The following METTL9 variants were observed in gnomAD, a reference collection of about 807,000 sequenced individuals.
METTL9 encodes methyltransferase 9, His-X-His N1(pi)-histidine.
Under a neutral mutation model 36.0 loss-of-function variants are expected in METTL9, and 10 were observed. The ratio of observed to expected loss-of-function variants is 0.28; its 90% CI spans 0.17 to 0.47. The LOEUF is 0.47. Among genes scored for constraint, METTL9 ranks in the 20% least tolerant of loss-of-function variants. The probability of loss-of-function intolerance (pLI) is 0.99; values close to 1 mark genes in which losing one functional copy is unlikely to be tolerated. For missense variants in METTL9, 246 were observed against 383.5 expected (o/e 0.64, Z 3.00); for synonymous variants, 175 against 149.7 (o/e 1.17, Z -1.23).
intron 4 of METTL9, among the ~76,000 whole-genome samples, chr16:21,650,394 G>T (rs1966537524): frequency 6.6e-6 from 1 of 151,694 alleles, no homozygotes; most frequent in African/African-American, 2.4e-5. Context: ...TGTAATCCCA[G>T]CTACTTGGGA....
At position 21,655,265 on chromosome 16, in the gene METTL9, A is replaced by G; in HGVS notation, c.790A>G (p.Ile264Val). The G allele has an allele frequency of 6.2e-7, 1 of 1,614,228 alleles. No individual in the cohort carries two copies. The highest frequency in any genetic ancestry group is 8.5e-7 in the Non-Finnish European group (1 of 1,180,028). Residue 264 changes from isoleucine (I) to valine (V), a missense_variant, in exon 5 of 5, where the codon ATC becomes GTC. By Grantham distance (29) the Ile-to-Val change is conservative. Coordinates refer to ENST00000358154, the MANE Select transcript of METTL9 (RefSeq NM_016025.5). ...GGAGAAACCATCAGAAATTTTGGAA[A>G]TCAAAGGACAGAACTGGGAAGAACA... is the stretch of plus-strand genomic sequence containing the variant. Reference protein sequence around the residue: ...KWEKPSEILEIKGQNWEEQVN... With the variant: ...KWEKPSEILEVKGQNWEEQVN...
upstream of METTL9, chr16:21,597,922 T>A (rs949025372): frequency 6.6e-6 from 1 of 152,380 alleles, no homozygotes; most frequent in Non-Finnish European, 1.5e-5. Context: ...AGGGAGTATA[T>A]TGGAAAGAGA....
intron 4 of METTL9, chr16:21,627,495 C>A (rs1965841530): frequency 1.9e-5 from 7 of 364,452 alleles, no homozygotes; most frequent in Admixed American, 1.3e-4. Context: ...ATTTTAAGCA[C>A]CCCCCAAAGA....
intron 1 of METTL9, among the ~76,000 whole-genome samples, chr16:21,600,881 A>G (rs1567322969): frequency 2.6e-5 from 4 of 152,090 alleles, no homozygotes; most frequent in Admixed American, 1.3e-4. Context: ...ATTATTCCCT[A>G]TATCATCTTG....
rs1965600126 is a variant in METTL9 at position 21,618,156 on chromosome 16, A to G, written c.566+82A>G. 7.5e-6 allele frequency: 8 copies of G among 1,071,496 alleles called. No homozygotes were observed. In the East Asian group the frequency reaches 2.2e-4, roughly 29 times the overall value. 66.4% of individuals were successfully genotyped at this position (1,071,496 alleles called of 1,614,324 possible). On this transcript the variant is annotated intron_variant, in intron 3 of 4. Transcript: ENST00000358154. The stretch of plus-strand genomic sequence containing the variant: ...TATGAATAAAAAATGATCTTCCATG[A>G]TTAGAAATTTAAAAAATCATCTCAT...
At chr16:21,624,816 A>G in intron 3 of METTL9, 115 bp from the exon 4 acceptor site, 1 of 875,876 alleles carries the variant, frequency 1.1e-6, no homozygotes, top group Non-Finnish European at 1.8e-6. Context: ...TTATAACAGA[A>G]GATTTTGAAC....
At chr16:21,645,030 G>A (rs1966388887) in intron 4 of METTL9, among the ~76,000 whole-genome samples, 1 of 152,178 alleles carries the variant, frequency 6.6e-6, no homozygotes, top group Non-Finnish European at 1.5e-5. Flanking sequence ...TCTCCTTGCA[G>A]AAATTGTCTT....
intron 4 of METTL9, among the ~76,000 whole-genome samples, chr16:21,628,477 C>A (rs1226817690): frequency 1.3e-5 from 2 of 152,068 alleles, no homozygotes; most frequent in Non-Finnish European, 2.9e-5. Context: ...CTGTCCTCCC[C>A]CACTTTTTTT....
chr16:21,643,943 T>C (rs1242972318), intron 4 of METTL9, among the ~76,000 whole-genome samples: 1 of 152,214 alleles, frequency 6.6e-6, no homozygotes, highest in Admixed American at 6.5e-5. Flanking sequence ...AAGACTGTTC[T>C]TAAGGCTTTC....
At chr16:21,652,080 A>T (rs1224677615) in intron 4 of METTL9, 4 of 152,352 alleles carry the variant, frequency 2.6e-5, no homozygotes, top group African/African-American at 9.6e-5. Flanking sequence ...AGAAGTAGAC[A>T]GAATTTTAAA....
At chr16:21,647,572 C>T in intron 4 of METTL9, 1 of 1,493,688 alleles carries the variant, frequency 6.7e-7, no homozygotes, top group Non-Finnish European at 9.0e-7. Context: ...AGGTAGGAAA[C>T]CCAGCCATTC....
chr16:21,644,326 C>T (rs1445666944), intron 4 of METTL9: 2 of 1,613,922 alleles, frequency 1.2e-6, no homozygotes, highest in South Asian at 2.2e-5. Flanking sequence ...ACACACCGGT[C>T]ACATAGACAG....
At chr16:21,645,595 G>A (rs1047823298) in intron 4 of METTL9, among the ~76,000 whole-genome samples, 14 of 152,196 alleles carry the variant, frequency 9.2e-5, no homozygotes, top group African/African-American at 3.4e-4. Flanking sequence ...GAAAATAGGA[G>A]TTCTGTAGAA....
In METTL9 at chr16:21,632,741, A is replaced by G; in HGVS notation, c.751+7626A>G. Among the ~76,000 whole-genome samples, 2 of 152,116 alleles carry G rather than the reference A, an allele frequency of 1.3e-5. 1 individual carries two copies. Among genetic ancestry groups the G allele is most frequent in the East Asian group, 3.8e-4 (2 of 5,196 alleles). ...GATCCTTTCCTTGTATTATTTTGAT[A>G]GCCTCTGACACTAAGATGGCCACCG... On this transcript the variant is annotated intron_variant, in intron 4 of 4. Transcript: ENST00000358154.
At chr16:21,630,298 C>A (rs1319359420) in intron 4 of METTL9, among the ~76,000 whole-genome samples, 1 of 152,248 alleles carries the variant, frequency 6.6e-6, no homozygotes, top group Non-Finnish European at 1.5e-5. Context: ...CTGCGCCCAC[C>A]CGGAACCCAC....
chr16:21,625,141 C>T (rs771256196), intron 4 of METTL9, 26 bp downstream of exon 4: 2 of 1,610,500 alleles, frequency 1.2e-6, no homozygotes, highest in South Asian at 1.1e-5. Context: ...CAGGCTAGCT[C>T]TTACTGAGGA....
chr16:21,646,666 T>C (rs1181203860), intron 4 of METTL9: 3 of 234,428 alleles, frequency 1.3e-5, no homozygotes, highest in African/African-American at 6.8e-5. Flanking sequence ...AGTTCTTTTG[T>C]TTTTCTGAGA....
At chr16:21,630,809 C>A (rs144497416) in intron 4 of METTL9, among the ~76,000 whole-genome samples, 1 of 152,156 alleles carries the variant, frequency 6.6e-6, no homozygotes, top group Non-Finnish European at 1.5e-5. Flanking sequence ...TGAGTAACAG[C>A]AAGATGGCTG....
chr16:21,646,913 C>G (rs1966443535), intron 4 of METTL9: 2 of 566,194 alleles, frequency 3.5e-6, no homozygotes, highest in Admixed American at 5.3e-5. Context: ...ACCTCAGCCT[C>G]AAAGTGCTGG....
Sources: allele counts gnomAD v4.1 joint callset (sites outside exome capture counted in the v4.1 genomes callset), GRCh38; gene constraint gnomAD v4.1.1; transcripts MANE v1.5; gene names NCBI Gene and HGNC (gene_info 2026-07-23, HGNC 2026-07-21).